The following TMC1 variants were observed in gnomAD, a reference collection of about 807,000 sequenced individuals.
The protein encoded by TMC1 is transmembrane channel like 1.
Under a neutral mutation model 105.8 loss-of-function variants are expected in TMC1, and 84 were observed. That is an observed-to-expected ratio of 0.79 (90% CI 0.67 to 0.95). TMC1 has a LOEUF of 0.95. Among genes scored for constraint, TMC1 ranks in the 40% least tolerant of loss-of-function variants. The pLI, the probability that TMC1 is intolerant of heterozygous loss-of-function variation, is 0.00. For synonymous variants in TMC1, 315 were observed against 311.5 expected (o/e 1.01, Z -0.12); for missense variants, 817 against 914.1 (o/e 0.89, Z 1.37).
chr9:72,612,705 A>G (rs952085843), intron 2 of TMC1, among the ~76,000 whole-genome samples: 3 of 152,206 alleles, frequency 2.0e-5, no homozygotes, highest in Admixed American at 2.0e-4. Context: ...ATCTAGGACA[A>G]GAAGTTTTCC....
At chr9:72,598,862 T>C (rs1278133732) in intron 2 of TMC1, among the ~76,000 whole-genome samples, 2 of 150,816 alleles carry the variant, frequency 1.3e-5, no homozygotes, top group African/African-American at 4.9e-5. Context: ...CAGAACCGTC[T>C]GTTTCCTCAT....
chr9:72,656,101 G>T (rs1825880508), intron 5 of TMC1: 2 of 678,598 alleles, frequency 2.9e-6, no homozygotes, highest in Non-Finnish European at 5.5e-6. Context: ...CTTCGCCAGG[G>T]ATTTTACATT....
At chr9:72,721,114 A>G (rs1427530783) in intron 8 of TMC1, among the ~76,000 whole-genome samples, 3 of 152,210 alleles carry the variant, frequency 2.0e-5, no homozygotes, top group African/African-American at 7.2e-5. Flanking sequence ...TGCCTCATTG[A>G]CGTAAATATT....
chr9:72,787,685 A>G (rs1489906352), intron 13 of TMC1, among the ~76,000 whole-genome samples: 1 of 151,648 alleles, frequency 6.6e-6, no homozygotes, highest in Admixed American at 6.6e-5. Flanking sequence ...ACACACACAC[A>G]TATAATTACT....
At chr9:72,602,117 T>C (rs1290846136) in intron 2 of TMC1, among the ~76,000 whole-genome samples, 1 of 152,148 alleles carries the variant, frequency 6.6e-6, no homozygotes, top group Non-Finnish European at 1.5e-5. Flanking sequence ...ATTGCAGATT[T>C]TGGAGAATTT....
Position 72,616,454 on chromosome 9 carries a change from A to G in TMC1, c.-219A>G, listed in dbSNP as rs7026304. 0.55 allele frequency: 83,597 copies of G among 151,232 alleles called. 24,206 individuals are homozygous for G. The highest frequency in any genetic ancestry group is 0.74 in the African/African-American group (30,315 of 41,186). 9.4% of individuals were successfully genotyped at this position (151,232 alleles called of 1,614,324 possible). Reference sequence around the variant, plus strand: ...ATCTCAGCTCTACTGTTTACTAGACATGAAATGGGGAAATCTAAAATGAGT... The same window carrying G: ...ATCTCAGCTCTACTGTTTACTAGACGTGAAATGGGGAAATCTAAAATGAGT... On this transcript the variant is annotated 5_prime_UTR_variant, in exon 3 of 24. The change abolishes an upstream ATG in the 5' untranslated region. Coordinates refer to ENST00000297784, the MANE Select transcript of TMC1 (RefSeq NM_138691.3).
intron 5 of TMC1, among the ~76,000 whole-genome samples, chr9:72,673,019 C>G (rs906786307): frequency 7.9e-5 from 12 of 152,116 alleles, no homozygotes; most frequent in Non-Finnish European, 1.6e-4. Context: ...AAAGTATATT[C>G]TGTAACTACA....
At chr9:72,666,586 T>C (rs1442106154) in intron 5 of TMC1, among the ~76,000 whole-genome samples, 1 of 152,202 alleles carries the variant, frequency 6.6e-6, no homozygotes, top group African/African-American at 2.4e-5. Flanking sequence ...ATTGTTAATA[T>C]TATTGCTGGG....
At chr9:72,764,420 CT>C (rs1177988994) in intron 12 of TMC1, among the ~76,000 whole-genome samples, 1 of 151,922 alleles carries the variant, frequency 6.6e-6, no homozygotes, top group South Asian at 2.1e-4. Flanking sequence ...AAGAAGACAA[CT>C]TTTTTTTCTT....
chr9:72,706,285 T>G (rs1328173147), intron 8 of TMC1, among the ~76,000 whole-genome samples: 1 of 152,234 alleles, frequency 6.6e-6, no homozygotes, highest in Non-Finnish European at 1.5e-5. Context: ...TTCTCTCATC[T>G]GTCATTGTGA....
chr9:72,709,434 T>C (rs1826798044), intron 8 of TMC1, among the ~76,000 whole-genome samples: 1 of 152,108 alleles, frequency 6.6e-6, no homozygotes, highest in South Asian at 2.1e-4. Flanking sequence ...GTCAATAGGA[T>C]TGAATGTCTG....
At chr9:72,583,403 C>G (rs1377175809) in intron 2 of TMC1, among the ~76,000 whole-genome samples, 1 of 152,142 alleles carries the variant, frequency 6.6e-6, no homozygotes, top group African/African-American at 2.4e-5. Context: ...TATTTAAGAG[C>G]AGATAAAATA....
chr9:72,564,839 G>A (rs1403553089), intron 1 of TMC1, among the ~76,000 whole-genome samples: 1 of 152,148 alleles, frequency 6.6e-6, no homozygotes, highest in Non-Finnish European at 1.5e-5. Flanking sequence ...TTGTGGAACT[G>A]GGCAGAACTT....
At chr9:72,685,430 C>G (rs1395553234) in intron 5 of TMC1, among the ~76,000 whole-genome samples, 1 of 149,376 alleles carries the variant, frequency 6.7e-6, no homozygotes, top group African/African-American at 2.5e-5. Context: ...GTGGCACAAT[C>G]TCGGCTCACT....
intron 17 of TMC1, among the ~76,000 whole-genome samples, chr9:72,803,404 C>T (rs1207093001): frequency 6.6e-6 from 1 of 152,108 alleles, no homozygotes; most frequent in Non-Finnish European, 1.5e-5. Flanking sequence ...AACTAAAGAG[C>T]TTCTGTACAG....
intron 2 of TMC1, among the ~76,000 whole-genome samples, chr9:72,578,560 A>C (rs1824426259): frequency 6.6e-6 from 1 of 152,200 alleles, no homozygotes; most frequent in Non-Finnish European, 1.5e-5. Context: ...GCAATGGGGC[A>C]GGCAGAGGGA....
At chr9:72,586,930 G>A (rs1401234545) in intron 2 of TMC1, among the ~76,000 whole-genome samples, 1 of 152,126 alleles carries the variant, frequency 6.6e-6, no homozygotes, top group Non-Finnish European at 1.5e-5. Flanking sequence ...TGGTGGTGGT[G>A]GTTGCATCAA....
rs545955592 is a variant in TMC1 at position 72,836,129 on chromosome 9, T to C, written c.*156T>C. On this transcript the variant is annotated 3_prime_UTR_variant, in exon 24 of 24. Transcript: ENST00000297784. ...GTCATGCTGGCCAATTAAGGCATCA[T>C]CAGTCCTACCTGAGCAACAAGAATC... The C allele has an allele frequency of 1.0e-3, 866 of 842,602 alleles. 11 individuals are homozygous for C. The South Asian group carries it at 0.011, about 11-fold the overall frequency. 52.2% of individuals were successfully genotyped at this position (842,602 alleles called of 1,614,324 possible). A position where few individuals can be genotyped will look rare whatever the true frequency, so the allele number is the denominator to read the frequency against.
intron 1 of TMC1, among the ~76,000 whole-genome samples, chr9:72,566,100 G>C (rs905820205): frequency 6.6e-6 from 1 of 152,208 alleles, no homozygotes; most frequent in African/African-American, 2.4e-5. Context: ...CATGACCATA[G>C]CTCATTGCAG....
Sources: gnomAD v4.1 joint callset for allele counts (sites outside exome capture counted in the v4.1 genomes callset) on GRCh38, gnomAD v4.1.1 for gene constraint, MANE v1.5 for transcripts, NCBI Gene and HGNC (gene_info 2026-07-23, HGNC 2026-07-21) for gene names.